The following TAS2R1 variants were observed in gnomAD, a reference collection of about 807,000 sequenced individuals.
TAS2R1 encodes taste receptor type 2 member 1.
For synonymous variants in TAS2R1, 141 were observed against 134.2 expected (o/e 1.05, Z -0.35); for missense variants, 370 against 353.4 (o/e 1.05, Z -0.38).
At chr5:9,884,032 C>G in the TAS2R1 span, 1 of 152,074 alleles carries the variant, frequency 6.6e-6, no homozygotes, top group Non-Finnish European at 1.5e-5. Context: ...AACAGAAGGA[C>G]AAGTAAACAT....
the TAS2R1 span, among the ~76,000 whole-genome samples, chr5:9,896,919 C>T: frequency 1.4e-4 from 21 of 152,084 alleles, no homozygotes; most frequent in African/African-American, 3.1e-4. Context: ...AATTTGGCTC[C>T]GATCCCCAAG....
At chr5:9,733,354 C>A in the TAS2R1 span, among the ~76,000 whole-genome samples, 1 of 152,194 alleles carries the variant, frequency 6.6e-6, no homozygotes, top group Non-Finnish European at 1.5e-5. Context: ...GACCAAACAG[C>A]CCGCAAAGCA....
At chr5:9,655,720 A>T (rs2126491714) in intron 2 of TAS2R1, among the ~76,000 whole-genome samples, 1 of 152,278 alleles carries the variant, frequency 6.6e-6, no homozygotes, top group Admixed American at 6.5e-5. Flanking sequence ...AGGAATAAAC[A>T]ATTCACAAGA....
At chr5:9,859,900 TA>T in the TAS2R1 span, among the ~76,000 whole-genome samples, 2 of 152,146 alleles carry the variant, frequency 1.3e-5, no homozygotes, top group Non-Finnish European at 2.9e-5. Context: ...TGAATAAAAA[TA>T]GACTGAAAAC....
intron 2 of TAS2R1, among the ~76,000 whole-genome samples, chr5:9,637,795 T>C (rs927646511): frequency 8.5e-5 from 13 of 152,160 alleles, no homozygotes; most frequent in East Asian, 1.9e-4. Context: ...GTTTTAATGA[T>C]ACATATTTAT....
At chr5:9,748,623 G>C in the TAS2R1 span, among the ~76,000 whole-genome samples, 1 of 150,368 alleles carries the variant, frequency 6.7e-6, no homozygotes, top group Admixed American at 6.6e-5. Context: ...AGAGAAAGAG[G>C]GAGGGAGATA....
At chr5:9,745,125 C>T in the TAS2R1 span, among the ~76,000 whole-genome samples, 8 of 152,132 alleles carry the variant, frequency 5.3e-5, no homozygotes, top group African/African-American at 1.9e-4. Flanking sequence ...ACATTAACCC[C>T]AGCAAGGGAT....
At chr5:9,754,027 A>T in the TAS2R1 span, among the ~76,000 whole-genome samples, 1 of 152,176 alleles carries the variant, frequency 6.6e-6, no homozygotes, top group African/African-American at 2.4e-5. Context: ...TGGCAAACCA[A>T]ATCCAGCAGC....
chr5:9,807,473 T>C, the TAS2R1 span, among the ~76,000 whole-genome samples: 1 of 152,150 alleles, frequency 6.6e-6, no homozygotes, highest in Non-Finnish European at 1.5e-5. Flanking sequence ...CAGCACAATT[T>C]GCAATTTCAA....
intron 1 of TAS2R1, among the ~76,000 whole-genome samples, chr5:9,701,305 C>T (rs1389029592): frequency 1.3e-5 from 2 of 151,564 alleles, no homozygotes; most frequent in African/African-American, 2.4e-5. Flanking sequence ...TGTTTCTTCC[C>T]GGACCCCTCC....
chr5:9,878,024 T>G, the TAS2R1 span, among the ~76,000 whole-genome samples: 2 of 152,244 alleles, frequency 1.3e-5, no homozygotes, highest in South Asian at 4.1e-4. Context: ...AGCTACTATT[T>G]CTCTCTCCTA....
chr5:9,628,719 C>G lies in TAS2R1; in HGVS notation c.*414G>C, dbSNP rs1739804602. ...AGGCGTCAGATATTCATGGACCATA[C>G]AGCATTCATGTGTCCTTCTGACATC... On this transcript the variant is annotated 3_prime_UTR_variant, in exon 1 of 1. Coordinates refer to ENST00000382492, the MANE Select transcript of TAS2R1 (RefSeq NM_019599.3). Among the ~76,000 whole-genome samples the G allele has an allele frequency of 1.3e-5, 2 of 152,322 alleles. No individual in the cohort carries two copies. The highest frequency in any genetic ancestry group is 2.9e-5 in the Non-Finnish European group (2 of 68,030).
chr5:9,766,101 C>G, the TAS2R1 span, among the ~76,000 whole-genome samples: 1 of 152,168 alleles, frequency 6.6e-6, no homozygotes, highest in Non-Finnish European at 1.5e-5. Context: ...TGCAGGAATA[C>G]AGCACAAAGC....
intron 1 of TAS2R1, among the ~76,000 whole-genome samples, chr5:9,675,124 C>G (rs981738274): frequency 3.5e-5 from 5 of 143,962 alleles, no homozygotes; most frequent in African/African-American, 1.3e-4. Context: ...ATATATATAT[C>G]TAATATATAT....
chr5:9,884,473 TA>T, the TAS2R1 span, among the ~76,000 whole-genome samples: 72,061 of 108,238 alleles, frequency 0.67, 23,104 homozygotes, highest in Middle Eastern at 0.75. Context: ...GACTCTGACT[TA>T]AAAAAAAAAA....
At chr5:9,675,754 G>A (rs1740862415) in intron 1 of TAS2R1, among the ~76,000 whole-genome samples, 1 of 152,046 alleles carries the variant, frequency 6.6e-6, no homozygotes, top group East Asian at 1.9e-4. Flanking sequence ...GTGTGTGTGT[G>A]TACAGACTCT....
chr5:9,639,440 A>G (rs1389133375), intron 2 of TAS2R1, among the ~76,000 whole-genome samples: 3 of 152,166 alleles, frequency 2.0e-5, no homozygotes, highest in Non-Finnish European at 4.4e-5. Flanking sequence ...TTTTCCTCCT[A>G]TCATGCTTTG....
the TAS2R1 span, among the ~76,000 whole-genome samples, chr5:9,753,046 T>C: frequency 9.6e-3 from 1,461 of 152,302 alleles, 23 homozygotes; most frequent in African/African-American, 0.033. Flanking sequence ...TGATTTATAA[T>C]CCTTTGGGTA....
chr5:9,691,627 G>A (rs994219702), intron 1 of TAS2R1, among the ~76,000 whole-genome samples: 1 of 152,248 alleles, frequency 6.6e-6, no homozygotes, highest in Non-Finnish European at 1.5e-5. Context: ...AAACTGGCAT[G>A]AAGACTGAAG....
Sources: gnomAD v4.1 joint callset for allele counts (sites outside exome capture counted in the v4.1 genomes callset) on GRCh38, gnomAD v4.1.1 for gene constraint, MANE v1.5 for transcripts, NCBI Gene and HGNC (gene_info 2026-07-23, HGNC 2026-07-21) for gene names.